ECPAS: variants seen among roughly 807,000 people sequenced by gnomAD.
ECPAS encodes Ecm29 proteasome adaptor and scaffold, also known as proteasome adapter and scaffold protein ECM29.
ECPAS carries 70 observed loss-of-function variants against 255.1 expected under a neutral mutation model. That is an observed-to-expected ratio of 0.27 (90% CI 0.23 to 0.33). ECPAS has a LOEUF of 0.33. ECPAS is among the 10% of genes least tolerant of loss of function. The pLI is 1.00. For synonymous variants in ECPAS, 784 were observed against 775.0 expected, an observed-to-expected ratio of 1.01 and a Z score of -0.19; for missense variants, 1,817 against 2,206.4, an observed-to-expected ratio of 0.82 and a Z score of 3.54.
intron 15 of ECPAS, among the ~76,000 whole-genome samples, chr9:111,421,409 A>ATGTGTGTGTGTGTGTGTG: frequency 7.0e-6 from 1 of 143,432 alleles, no homozygotes; most frequent in East Asian, 2.1e-4. Flanking sequence ...TATTACATAT[A>ATGTGTGTGTGTGTGTGTG]TGTGTGTGTG....
intron 32 of ECPAS, 79 bp from the exon 33 acceptor site, chr9:111,385,521 T>C (rs2098146878): frequency 2.4e-6 from 2 of 828,070 alleles, no homozygotes; most frequent in African/African-American, 1.7e-5. Context: ...TAAAAAAGAA[T>C]ACAGATTCTG....
rs1438905652 is a variant in ECPAS at position 111,390,672 on chromosome 9, G to A, written c.3162-571C>T. Reference sequence around the variant, plus strand: ...CAGTGTACTGTGGGGGAACGTCAACGATGGAACAAACTGCAGCTTTCTCCT... The same window carrying A: ...CAGTGTACTGTGGGGGAACGTCAACAATGGAACAAACTGCAGCTTTCTCCT... On this transcript the variant is annotated intron_variant, in intron 29 of 49. Coordinates refer to ENST00000684092, the MANE Select transcript of ECPAS (RefSeq NM_001364929.1). Among the ~76,000 whole-genome samples, 7 of 152,314 alleles carry A rather than the reference G, an allele frequency of 4.6e-5. No homozygotes were observed. In the South Asian group the frequency reaches 1.2e-3, roughly 27 times the overall value.
rs2098130509 is a variant in ECPAS, at chr9:111,373,999, A to G, written c.4150T>C (p.Cys1384Arg). The change falls in exon 39 of 50, where the codon TGT (cysteine) becomes CGT (arginine). Residue 1384 changes from cysteine to arginine, a missense_variant. Cys to Arg is a radical substitution (Grantham distance 180, BLOSUM62 -3). Around this residue, in one of 4 missense-constraint regions of ECPAS, gnomAD observed 960 missense variants for 1,179.0 expected, o/e 0.81. Transcript: ENST00000684092. ...ASVIVSLTTQ[C>R]PQDLTPYSGK... ...GAGTAAGGTGTTAGGTCCTGAGGAC[A>G]CTGAGTAGTTAATGACACAATGACA... 7 of 1,613,540 alleles carry G rather than the reference A, an allele frequency of 4.3e-6. No individual in the cohort carries two copies. Among genetic ancestry groups the G allele is most frequent in the Non-Finnish European group, 5.9e-6 (7 of 1,179,484 alleles).
At chr9:111,465,313 G>A (rs1168636647) in intron 2 of ECPAS, among the ~76,000 whole-genome samples, 1 of 152,006 alleles carries the variant, frequency 6.6e-6, no homozygotes, top group Non-Finnish European at 1.5e-5. Flanking sequence ...GCCGAGGTGG[G>A]TGGATCACCT....
chr9:111,481,567 T>G (rs10980909), intron 1 of ECPAS, among the ~76,000 whole-genome samples: 9,774 of 152,132 alleles, frequency 0.064, 464 homozygotes, highest in East Asian at 0.21. Flanking sequence ...AAACTAGAAC[T>G]ATCACATGAT....
chr9:111,453,494 C>G (rs1011492421), intron 2 of ECPAS, among the ~76,000 whole-genome samples: 4 of 151,848 alleles, frequency 2.6e-5, no homozygotes, highest in African/African-American at 9.7e-5. Flanking sequence ...GCTATTTCCC[C>G]CTACAGGAGG....
intron 34 of ECPAS, 112 bp from the exon 35 acceptor site, chr9:111,383,444 T>G: frequency 7.4e-7 from 1 of 1,354,148 alleles, no homozygotes; most frequent in South Asian, 1.4e-5. Context: ...TAAGTGAATC[T>G]ACTTTCTCTG....
chr9:111,433,353 T>C lies in ECPAS; in HGVS notation c.728A>G (p.Lys243Arg). 6.2e-7 allele frequency: 1 copy of C among 1,613,978 alleles called. No homozygotes were observed. The highest frequency in any genetic ancestry group is 1.1e-5 in the South Asian group (1 of 91,078). The change falls in exon 8 of 50, where the codon AAA (lysine) becomes AGA (arginine). Residue 243 changes from lysine to arginine, a missense_variant. Coordinates refer to ENST00000684092, the MANE Select transcript of ECPAS (RefSeq NM_001364929.1). ...QLEQCKLGIV[K>R]FIEAEQVPEL... is the part of the protein sequence containing the mutation. ...AGGCACCTGTTCAGCTTCTATGAAT[T>C]TCACGATTCCCAATTTGCACTGTAG...
At chr9:111,466,482 G>C (rs1171340723) in intron 2 of ECPAS, among the ~76,000 whole-genome samples, 1 of 151,910 alleles carries the variant, frequency 6.6e-6, no homozygotes, top group Non-Finnish European at 1.5e-5. Context: ...AAGAACATTT[G>C]ATCTCAAAGG....
At chr9:111,452,720 C>T (rs12335705) in intron 2 of ECPAS, among the ~76,000 whole-genome samples, 44,210 of 152,048 alleles carry the variant, frequency 0.29, 7,950 homozygotes, top group Non-Finnish European at 0.42. Flanking sequence ...TAGATAGATA[C>T]ATGGATAGAC....
chr9:111,384,159 G>A (rs1408354781), intron 34 of ECPAS, among the ~76,000 whole-genome samples: 1 of 152,160 alleles, frequency 6.6e-6, no homozygotes, highest in Non-Finnish European at 1.5e-5. Context: ...TCAAGTGGGA[G>A]ATAATTTAGT....
At chr9:111,454,912 T>C (rs2098265017) in intron 2 of ECPAS, among the ~76,000 whole-genome samples, 1 of 151,972 alleles carries the variant, frequency 6.6e-6, no homozygotes, top group African/African-American at 2.4e-5. Flanking sequence ...TGGTCTTGAA[T>C]TCCTGGTCTT....
intron 2 of ECPAS, among the ~76,000 whole-genome samples, chr9:111,471,573 AG>A (rs1025593529): frequency 6.6e-6 from 1 of 152,220 alleles, no homozygotes; most frequent in East Asian, 1.9e-4. Flanking sequence ...ACAAAATCCC[AG>A]GAACTCACTG....
chr9:111,443,263 TCCC>T (rs1049517877), intron 4 of ECPAS, among the ~76,000 whole-genome samples: 25 of 152,262 alleles, frequency 1.6e-4, no homozygotes, highest in African/African-American at 5.8e-4. Flanking sequence ...TTCATTTTTT[TCCC>T]CCAAGACAGA....
intron 12 of ECPAS, among the ~76,000 whole-genome samples, chr9:111,424,174 G>A (rs1248218257): frequency 2.0e-5 from 3 of 152,188 alleles, no homozygotes; most frequent in Non-Finnish European, 4.4e-5. Context: ...GGAGAAAGAA[G>A]CTATGAGAAC....
At chr9:111,435,957 G>A (rs2098237581) in intron 7 of ECPAS, among the ~76,000 whole-genome samples, 1 of 149,878 alleles carries the variant, frequency 6.7e-6, no homozygotes, top group African/African-American at 2.5e-5. Context: ...CAAAGTGCTG[G>A]GATTACAGGC....
At chr9:111,388,334 C>A (rs2098153671) in intron 31 of ECPAS, among the ~76,000 whole-genome samples, 1 of 148,246 alleles carries the variant, frequency 6.7e-6, no homozygotes, top group Admixed American at 6.8e-5. Flanking sequence ...TGAGCTCAGA[C>A]CTACAAAGCC....
chr9:111,390,136 C>A (rs41313313), intron 29 of ECPAS, 35 bp from the exon 30 acceptor site: 1 of 1,263,080 alleles, frequency 7.9e-7, no homozygotes, highest in East Asian at 2.5e-5. Flanking sequence ...GGCAATAATA[C>A]ACTTCTCTCT....
Position 111,421,970 on chromosome 9 carries a change from C to T in ECPAS, c.1406G>A (p.Gly469Glu), listed in dbSNP as rs1393902085. The T allele has an allele frequency of 6.2e-7, 1 of 1,613,632 alleles. No individual in the cohort carries two copies. Among genetic ancestry groups the T allele is most frequent in the Admixed American group, 1.7e-5 (1 of 59,946 alleles). The change falls in exon 15 of 50, where the codon GGG becomes GAG. Residue 469 changes from glycine to glutamate, a missense_variant. Gly to Glu is a moderately conservative substitution (Grantham distance 98). Around this residue, in one of 4 missense-constraint regions of ECPAS, gnomAD observed 573 missense variants for 716.2 expected, o/e 0.80. Transcript: ENST00000684092. ...MMVGAYSTLE[G>E]AQRTLMEALV... ...TGCCTCCATGAGAGTTCGCTGTGCC[C>T]CTTCCAAAGTACTATACGCTCCAAC... is the stretch of plus-strand genomic sequence containing the variant.
Sources: allele counts gnomAD v4.1 joint callset (sites outside exome capture counted in the v4.1 genomes callset), GRCh38; gene constraint gnomAD v4.1.1; regional missense constraint gnomAD v4.1.1; transcripts MANE v1.5; gene names NCBI Gene and HGNC (gene_info 2026-07-23, HGNC 2026-07-21).